VAV2: variants seen among roughly 807,000 people sequenced by gnomAD.
VAV2 encodes guanine nucleotide exchange factor VAV2.
VAV2 carries 67 observed loss-of-function variants against 132.5 expected under a neutral mutation model. That is an observed-to-expected ratio of 0.51 (90% CI 0.42 to 0.62). The LOEUF (loss-of-function observed/expected upper bound fraction) is 0.62. Among genes scored for constraint, VAV2 ranks in the 20% least tolerant of loss-of-function variants. The pLI is 0.00. For synonymous variants in VAV2, 492 were observed against 443.5 expected (o/e 1.11, Z -1.37); for missense variants, 938 against 1,153.6 (o/e 0.81, Z 2.71).
rs551921185 is a variant in VAV2 at position 133,941,508 on chromosome 9, T to C, written c.205-2289A>G. Among the ~76,000 whole-genome samples, 5 of 152,056 alleles carry C rather than the reference T, an allele frequency of 3.3e-5. No homozygotes were observed. In the South Asian group the frequency reaches 1.0e-3, roughly 31 times the overall value. On this transcript the variant is annotated intron_variant, in intron 1 of 29. Coordinates refer to ENST00000371850, the MANE Select transcript of VAV2 (RefSeq NM_001134398.2). ...GGCTAGTAACTGCTAGCTTAGACAATGTGAGTCTAAAACACTCCATGATCT... is the reference window on the plus strand; with the variant it reads ...GGCTAGTAACTGCTAGCTTAGACAACGTGAGTCTAAAACACTCCATGATCT...
At chr9:133,948,238 C>A (rs1208009236) in intron 1 of VAV2, among the ~76,000 whole-genome samples, 1 of 152,208 alleles carries the variant, frequency 6.6e-6, no homozygotes, top group Non-Finnish European at 1.5e-5. Context: ...TTTGTCTGGA[C>A]AATTGAACTT....
chr9:133,814,083 G>C (rs926227307), intron 4 of VAV2, among the ~76,000 whole-genome samples: 1 of 152,214 alleles, frequency 6.6e-6, no homozygotes, highest in African/African-American at 2.4e-5. Context: ...CCGGGGTAAA[G>C]GCAGCCGTCA....
rs563313852 is a variant in VAV2, at chr9:133,768,253, C to T, written c.2589+189G>A. Among the ~76,000 whole-genome samples, 2 of 152,298 alleles carry T rather than the reference C, an allele frequency of 1.3e-5. No homozygotes were observed. Among genetic ancestry groups the T allele is most frequent in the South Asian group, 2.1e-4 (1 of 4,826 alleles). On this transcript the variant is annotated intron_variant, in intron 29 of 29. Transcript: ENST00000371850. This position sits in a 1 kb window ranked among gnomAD's most constrained non-coding sequence, Gnocchi z 5.3. ...TGTGTGACCTTGGGTTCGTGGTAAACATCTGGAGCCTCGGTTTCCCCCTGT... is the reference window on the plus strand; with the variant it reads ...TGTGTGACCTTGGGTTCGTGGTAAATATCTGGAGCCTCGGTTTCCCCCTGT...
chr9:133,871,482 A>AGAAG (rs1838051040), intron 2 of VAV2, among the ~76,000 whole-genome samples: 2 of 127,646 alleles, frequency 1.6e-5, no homozygotes, highest in African/African-American at 8.6e-5. Flanking sequence ...GGATGGATGG[A>AGAAG]TGGATGGATG....
In VAV2 at chr9:133,883,534, T is replaced by C. The variant is rs1235189309; in HGVS notation, c.322-22102A>G. The stretch of plus-strand genomic sequence containing the variant: ...ACTCACCCTGCAGACTCCCAAGTCA[T>C]CCCCAGCCACGGCAGGCAGACAGCC... On this transcript the variant is annotated intron_variant, in intron 2 of 29. Transcript: ENST00000371850. This position sits in a 1 kb window ranked among gnomAD's most constrained non-coding sequence, Gnocchi z 4.2. Among the ~76,000 whole-genome samples, 1 of 151,990 alleles carries C rather than the reference T, an allele frequency of 6.6e-6. No homozygotes were observed. The highest frequency in any genetic ancestry group is 6.5e-5 in the Admixed American group (1 of 15,272).
chr9:133,790,096 T>C (rs998561355), intron 13 of VAV2, among the ~76,000 whole-genome samples: 1 of 152,172 alleles, frequency 6.6e-6, no homozygotes, highest in Non-Finnish European at 1.5e-5. Context: ...ACCTTCCCTG[T>C]GGCAATGGGA....
At position 133,823,682 on chromosome 9, in the gene VAV2, G is replaced by T. The variant is rs2131739524; in HGVS notation, c.449+10590C>A. Among the ~76,000 whole-genome samples, 1 of 152,266 alleles carries T rather than the reference G, an allele frequency of 6.6e-6. No homozygotes were observed. The highest frequency in any genetic ancestry group is 1.5e-5 in the Non-Finnish European group (1 of 68,032). ...GAAGCCCAGCTGCCTACTCCTTCCT[G>T]GAAAATGGCAAGATGAATGCGTATG... On this transcript the variant is annotated intron_variant, in intron 4 of 29. Transcript: ENST00000371850. This position sits in a 1 kb window ranked among gnomAD's most constrained non-coding sequence, Gnocchi z 5.5.
chr9:133,893,016 C>A (rs1374502178), intron 2 of VAV2, among the ~76,000 whole-genome samples: 1 of 152,320 alleles, frequency 6.6e-6, no homozygotes, highest in East Asian at 1.9e-4. Context: ...GCAGGTTTTG[C>A]TGGGCGGTGA....
chr9:133,987,767 C>A (rs1353769213), intron 1 of VAV2, among the ~76,000 whole-genome samples: 1 of 152,240 alleles, frequency 6.6e-6, no homozygotes, highest in East Asian at 1.9e-4. Context: ...CTGCTCCAGA[C>A]ACACCCGATT....
At chr9:133,776,135 G>A in intron 23 of VAV2, 55 bp from the exon 24 acceptor site, 2 of 1,594,188 alleles carry the variant, frequency 1.3e-6, no homozygotes, top group South Asian at 1.1e-5. Flanking sequence ...CACAGAGCAG[G>A]GCTCAGAGGG....
At chr9:133,958,869 A>G (rs540466966) in intron 1 of VAV2, among the ~76,000 whole-genome samples, 1 of 152,362 alleles carries the variant, frequency 6.6e-6, no homozygotes, top group African/African-American at 2.4e-5. Context: ...GGCACCAGGA[A>G]GAAAGCCCTG....
At chr9:133,893,729 G>C (rs1839078096) in intron 2 of VAV2, among the ~76,000 whole-genome samples, 2 of 152,310 alleles carry the variant, frequency 1.3e-5, no homozygotes, top group Admixed American at 6.5e-5. Context: ...ACCTCGGAGG[G>C]TGGCGGGACG....
chr9:133,979,231 C>A (rs761766275), intron 1 of VAV2, among the ~76,000 whole-genome samples: 9 of 152,208 alleles, frequency 5.9e-5, no homozygotes, highest in Non-Finnish European at 1.2e-4. Context: ...GCCGGGTCCT[C>A]GGCCAACCCT....
intron 4 of VAV2, among the ~76,000 whole-genome samples, chr9:133,827,658 C>T (rs368711275): frequency 0.019 from 293 of 15,458 alleles, 102 homozygotes; most frequent in East Asian, 0.16. Context: ...CCTACCGCTG[C>T]GCCCACTGGG....
At chr9:133,825,654 T>C (rs1375709081) in intron 4 of VAV2, among the ~76,000 whole-genome samples, 1 of 152,046 alleles carries the variant, frequency 6.6e-6, no homozygotes, top group Non-Finnish European at 1.5e-5. Flanking sequence ...AAACTTCCTC[T>C]GGGAGAGGTG....
At chr9:133,890,518 C>T (rs183052079) in intron 2 of VAV2, among the ~76,000 whole-genome samples, 154 of 152,206 alleles carry the variant, frequency 1.0e-3, no homozygotes, top group African/African-American at 3.3e-3. Flanking sequence ...CAAAGACGAC[C>T]GCCCCCCACC....
chr9:133,809,377 C>A (rs549214189), intron 6 of VAV2, among the ~76,000 whole-genome samples: 1 of 152,256 alleles, frequency 6.6e-6, no homozygotes, highest in East Asian at 1.9e-4. Flanking sequence ...GGGACAGTGC[C>A]AAGGAAGGCT....
chr9:133,843,377 G>T (rs975753280), intron 3 of VAV2, among the ~76,000 whole-genome samples: 1 of 152,076 alleles, frequency 6.6e-6, no homozygotes, highest in African/African-American at 2.4e-5. Context: ...GGGTTTTTTT[G>T]GTATTTTTTT....
At chr9:133,773,645 T>TC (rs1833713416) in intron 25 of VAV2, among the ~76,000 whole-genome samples, 1 of 132,014 alleles carries the variant, frequency 7.6e-6, no homozygotes, top group African/African-American at 2.7e-5. Flanking sequence ...CTTTCCTGTT[T>TC]TTTTTCTTTG....
Sources: gnomAD v4.1 joint callset for allele counts (sites outside exome capture counted in the v4.1 genomes callset) on GRCh38, gnomAD v4.1.1 for gene constraint, Gnocchi (gnomAD v3.1) non-coding constraint, MANE v1.5 for transcripts, NCBI Gene and HGNC (gene_info 2026-07-23, HGNC 2026-07-21) for gene names.